The following POLB variants were observed in gnomAD, a reference collection of about 807,000 sequenced individuals.
The protein encoded by POLB is 5'-dRP lyase.
Under a neutral mutation model 52.7 loss-of-function variants are expected in POLB, and 37 were observed. That is an observed-to-expected ratio of 0.70 (90% CI 0.54 to 0.92). The LOEUF is 0.92. Among genes scored for constraint, POLB ranks in the 40% least tolerant of loss-of-function variants. The probability of loss-of-function intolerance (pLI) is 0.00; values close to 1 mark genes in which losing one functional copy is unlikely to be tolerated. For missense variants in POLB, 313 were observed against 400.8 expected (o/e 0.78, Z 1.87); for synonymous variants, 138 against 131.3 (o/e 1.05, Z -0.35).
rs1184410463 is a variant in POLB at position 42,369,251 on chromosome 8, G to T, written c.709-20G>T. The T allele has an allele frequency of 2.0e-6, 3 of 1,468,706 alleles. No homozygotes were observed. Among genetic ancestry groups the T allele is most frequent in the South Asian group, 2.3e-5 (2 of 86,626 alleles). The allele number at this position is 1,468,706 out of a possible 1,614,324, so 91.0% of individuals were successfully genotyped here. ...TAAGTTTAGAACATCTTTAAACTTG[G>T]TTTAAAATGTTCATTTTAGGGTGTT... On this transcript the variant is annotated intron_variant, in intron 11 of 13. Coordinates refer to ENST00000265421, the MANE Select transcript of POLB (RefSeq NM_002690.3).
chr8:42,350,607 C>T (rs149208868), intron 5 of POLB, among the ~76,000 whole-genome samples: 1 of 152,094 alleles, frequency 6.6e-6, no homozygotes, highest in Non-Finnish European at 1.5e-5. Flanking sequence ...GGATTATTAT[C>T]TTAAAATTTG....
At chr8:42,360,231 A>G (rs1823591036) in intron 9 of POLB, among the ~76,000 whole-genome samples, 1 of 151,920 alleles carries the variant, frequency 6.6e-6, no homozygotes, top group South Asian at 2.1e-4. Context: ...TGCTAGGATT[A>G]CACGTGTGAG....
intron 11 of POLB, among the ~76,000 whole-genome samples, chr8:42,363,027 G>A (rs1001597879): frequency 7.2e-5 from 11 of 152,034 alleles, no homozygotes; most frequent in Admixed American, 2.6e-4. Flanking sequence ...AGGAGGATGA[G>A]GCGGGAAAAT....
intron 2 of POLB, among the ~76,000 whole-genome samples, chr8:42,343,321 C>CAAAAA (rs1157325948): frequency 0.017 from 47 of 2,812 alleles, 9 homozygotes; most frequent in Non-Finnish European, 0.031. Flanking sequence ...GACTGCGTCT[C>CAAAAA]AAAAAAAAAA....
intron 13 of POLB, among the ~76,000 whole-genome samples, chr8:42,371,246 C>G (rs1234972719): frequency 6.6e-6 from 1 of 152,198 alleles, no homozygotes; most frequent in African/African-American, 2.4e-5. Context: ...GCCTCAACCT[C>G]CCGAGTAGCT....
intron 11 of POLB, among the ~76,000 whole-genome samples, chr8:42,366,461 T>C (rs1329612954): frequency 6.6e-6 from 1 of 152,216 alleles, no homozygotes; most frequent in Non-Finnish European, 1.5e-5. Context: ...AAGGCCTTTA[T>C]GTTGCGACAT....
chr8:42,359,521 A>ATT (rs900964546), intron 9 of POLB, among the ~76,000 whole-genome samples: 11 of 110,524 alleles, frequency 1.0e-4, no homozygotes, highest in Admixed American at 2.7e-4. Context: ...CACCCGGCTA[A>ATT]TTTTTTTTTT....
intron 11 of POLB, among the ~76,000 whole-genome samples, chr8:42,367,238 T>C (rs1824096286): frequency 6.6e-6 from 1 of 152,162 alleles, no homozygotes; most frequent in Non-Finnish European, 1.5e-5. Context: ...TAGTTAACAA[T>C]GAACATAATA....
chr8:42,355,985 A>C (rs1823289930), intron 7 of POLB, among the ~76,000 whole-genome samples: 1 of 152,194 alleles, frequency 6.6e-6, no homozygotes, highest in African/African-American at 2.4e-5. Context: ...TGAAAAACTA[A>C]ATTTAAAAAA....
rs778063657 is a variant in POLB, at chr8:42,350,048, TC to T, written c.304del (p.Arg102GlufsTer14). On this transcript the variant is annotated frameshift_variant, in exon 5 of 14. Coordinates refer to ENST00000265421, the MANE Select transcript of POLB (RefSeq NM_002690.3). LOFTEE classifies it high-confidence loss of function. ...CGAGTTCATCCATCAATTTCCTGAC[TC>T]GAGTTAGTGGCATTGGGTAAGAACT... The part of the protein sequence containing the change: ...DTSSSINFLT[R>X]VSGIGPSAAR... 1.9e-6 allele frequency: 3 copies of T among 1,604,696 alleles called. No homozygotes were observed. The highest frequency in any genetic ancestry group is 2.6e-6 in the Non-Finnish European group (3 of 1,171,418).
At chr8:42,345,658 C>A (rs542985445) in intron 3 of POLB, among the ~76,000 whole-genome samples, 199 of 151,972 alleles carry the variant, frequency 1.3e-3, no homozygotes, top group South Asian at 3.3e-3. Flanking sequence ...CCCAAAAATC[C>A]GAAATCCAAA....
chr8:42,353,275 A>AT (rs1044308053), intron 6 of POLB, among the ~76,000 whole-genome samples: 10 of 148,504 alleles, frequency 6.7e-5, no homozygotes, highest in Admixed American at 2.7e-4. Context: ...CACCCGGCTA[A>AT]TTTTTTTTTG....
At chr8:42,353,902 T>TCCCAGCTACTCGGG (rs1487457117) in intron 6 of POLB, among the ~76,000 whole-genome samples, 3 of 152,138 alleles carry the variant, frequency 2.0e-5, no homozygotes, top group African/African-American at 4.8e-5. Flanking sequence ...TTAAAAATGG[T>TCCCAGCTACTCGGG]AACCAACTCT....
In POLB at chr8:42,353,312, T is replaced by C. The variant is rs184660394; in HGVS notation, c.370+744T>C. ...ATTTTTAATAGAGACGGGGTTTCAC[T>C]GTGTTAGCCAGGATGGTCTCGGTCT... On this transcript the variant is annotated intron_variant, in intron 6 of 13. Transcript: ENST00000265421. Among the ~76,000 whole-genome samples, 77 of 151,772 alleles carry C rather than the reference T, an allele frequency of 5.1e-4. 2 individuals carry two copies. The East Asian group carries it at 0.012, about 24-fold the overall frequency.
intron 7 of POLB, among the ~76,000 whole-genome samples, chr8:42,355,857 G>GT (rs1190350536): frequency 6.6e-6 from 1 of 152,180 alleles, no homozygotes; most frequent in Non-Finnish European, 1.5e-5. Flanking sequence ...GTCAGCGGGT[G>GT]TTTATTTCAT....
intron 11 of POLB, among the ~76,000 whole-genome samples, chr8:42,362,980 C>T (rs540022075): frequency 6.6e-5 from 10 of 151,964 alleles, no homozygotes; most frequent in Non-Finnish European, 1.3e-4. Context: ...CAAAATTGGC[C>T]GGGCGTGGTG....
At chr8:42,362,047 G>A (rs1031407848) in intron 10 of POLB, among the ~76,000 whole-genome samples, 15 of 152,126 alleles carry the variant, frequency 9.9e-5, no homozygotes, top group African/African-American at 3.6e-4. Context: ...TGGATCACGA[G>A]GTCAGGAGAT....
chr8:42,370,157 A>G lies in POLB; in HGVS notation c.913+169A>G. The G allele has an allele frequency of 5.9e-6, 4 of 681,846 alleles. 1 individual carries two copies. The highest frequency in any genetic ancestry group is 1.1e-5 in the Non-Finnish European group (4 of 371,704). 42.2% of individuals were successfully genotyped at this position (681,846 alleles called of 1,614,324 possible). On this transcript the variant is annotated intron_variant, in intron 13 of 13. Coordinates refer to ENST00000265421, the MANE Select transcript of POLB (RefSeq NM_002690.3). ...AGGATTTAATGCATAACATGCTCCT[A>G]GGCCCTCAGTTGAAGGCCATCAAGG...
At chr8:42,369,827 A>G (rs1208076787) in intron 12 of POLB, 22 bp from the exon 13 acceptor site, 4 of 1,534,928 alleles carry the variant, frequency 2.6e-6, no homozygotes, top group Non-Finnish European at 3.5e-6. Flanking sequence ...AAAAAAATGT[A>G]TCTACTGTCC....
Sources: allele counts gnomAD v4.1 joint callset (sites outside exome capture counted in the v4.1 genomes callset), GRCh38; gene constraint gnomAD v4.1.1; transcripts MANE v1.5; gene names NCBI Gene and HGNC (gene_info 2026-07-23, HGNC 2026-07-21).